The following MSH3 variants were observed in gnomAD, a reference collection of about 807,000 sequenced individuals.
MSH3 encodes the protein DNA mismatch repair protein Msh3.
MSH3 carries 106 observed loss-of-function variants against 123.3 expected under a neutral mutation model. That is an observed-to-expected ratio of 0.86 (90% CI 0.73 to 1.01). The LOEUF is 1.01. MSH3 is among the 50% of genes least tolerant of loss of function. The pLI, the probability that MSH3 is intolerant of heterozygous loss-of-function variation, is 0.00. For missense variants in MSH3, 1,459 were observed against 1,347.6 expected, an observed-to-expected ratio of 1.08 and a Z score of -1.29; for synonymous variants, 515 against 481.4, an observed-to-expected ratio of 1.07 and a Z score of -0.91.
chr5:80,655,481 T>C (rs1378809062), intron 1 of MSH3: 1 of 206,148 alleles, frequency 4.9e-6, no homozygotes, highest in Admixed American at 6.0e-5. Context: ...GTTTAGATTA[T>C]AAAGTCTGAA....
chr5:80,654,713 C>T lies in MSH3; in HGVS notation c.-15C>T, dbSNP rs1459554650. The T allele has an allele frequency of 5.0e-6, 8 of 1,587,300 alleles. No homozygotes were observed. The highest frequency in any genetic ancestry group is 1.1e-5 in the South Asian group (1 of 89,430). Reference sequence around the variant, plus strand: ...TCGCCAGGCCCTGCCGCCGGGCTGCCATCCTTGCCCTGCCATGTCTCGCCG... The same window carrying T: ...TCGCCAGGCCCTGCCGCCGGGCTGCTATCCTTGCCCTGCCATGTCTCGCCG... On this transcript the variant is annotated 5_prime_UTR_variant, in exon 1 of 24. Transcript: ENST00000265081.
At chr5:80,716,112 C>T (rs1173814073) in intron 8 of MSH3, among the ~76,000 whole-genome samples, 1 of 152,118 alleles carries the variant, frequency 6.6e-6, no homozygotes. Flanking sequence ...ATCATTCTGC[C>T]ATTCACTATG....
At chr5:80,675,887 T>G (rs976952974) in intron 7 of MSH3, among the ~76,000 whole-genome samples, 19 of 152,186 alleles carry the variant, frequency 1.2e-4, no homozygotes, top group African/African-American at 4.6e-4. Flanking sequence ...TAAACATGAA[T>G]GACTATGGTA....
At chr5:80,835,741 C>T (rs1355052627) in intron 20 of MSH3, among the ~76,000 whole-genome samples, 3 of 152,030 alleles carry the variant, frequency 2.0e-5, no homozygotes, top group Non-Finnish European at 4.4e-5. Context: ...AGGGTGAAAC[C>T]CTGTCTCTAC....
intron 12 of MSH3, among the ~76,000 whole-genome samples, chr5:80,750,849 A>G (rs1743821838): frequency 6.6e-6 from 1 of 152,154 alleles, no homozygotes; most frequent in South Asian, 2.1e-4. Flanking sequence ...TCTACGTAGA[A>G]TATTCTTCTG....
intron 22 of MSH3, among the ~76,000 whole-genome samples, chr5:80,869,335 A>T (rs1247288825): frequency 6.6e-6 from 1 of 152,200 alleles, no homozygotes; most frequent in Admixed American, 6.5e-5. Flanking sequence ...AATAATGTCC[A>T]TTTAAGAAAT....
At chr5:80,717,442 A>AT (rs1000879309) in intron 8 of MSH3, among the ~76,000 whole-genome samples, 37 of 151,782 alleles carry the variant, frequency 2.4e-4, no homozygotes, top group African/African-American at 8.7e-4. Flanking sequence ...AATTTATATT[A>AT]TTTTTTTTAG....
chr5:80,668,125 A>C (rs1749611594), intron 3 of MSH3, among the ~76,000 whole-genome samples: 1 of 152,042 alleles, frequency 6.6e-6, no homozygotes, highest in Non-Finnish European at 1.5e-5. Context: ...TTCAGCCGAG[A>C]GGGGACCCTG....
At chr5:80,664,730 G>C (rs1749525669) in intron 2 of MSH3, among the ~76,000 whole-genome samples, 2 of 152,056 alleles carry the variant, frequency 1.3e-5, no homozygotes, top group Admixed American at 1.3e-4. Flanking sequence ...GTTGTAATTA[G>C]AGTTGGCTCT....
chr5:80,744,565 T>G lies in MSH3; in HGVS notation c.1713T>G (p.Phe571Leu). 1 of 1,613,944 alleles carries G rather than the reference T, an allele frequency of 6.2e-7. No homozygotes were observed. Residue 571 changes from phenylalanine to leucine, a missense_variant, in exon 12 of 24, where the codon TTT becomes TTG. Physicochemically the swap from Phe to Leu is conservative, Grantham distance 22 (BLOSUM62 0). Transcript: ENST00000265081. ...TTTTAGACCACACTAAAACTTCATTTGGGAGACGGAAGTTAAAGAAGTGGG... is the reference window on the plus strand; with the variant it reads ...TTTTAGACCACACTAAAACTTCATTGGGGAGACGGAAGTTAAAGAAGTGGG... Reference protein sequence around the residue: ...LWVLDHTKTSFGRRKLKKWVT... With the variant: ...LWVLDHTKTSLGRRKLKKWVT...
chr5:80,814,491 T>A (rs1384927458), intron 20 of MSH3, among the ~76,000 whole-genome samples: 3 of 154 alleles, frequency 0.019, no homozygotes, highest in Non-Finnish European at 0.013. Flanking sequence ...AGGCTAGTCT[T>A]GACTCCTGAC....
chr5:80,719,639 C>A (rs1213240255), intron 8 of MSH3, among the ~76,000 whole-genome samples: 1 of 152,178 alleles, frequency 6.6e-6, no homozygotes, highest in Non-Finnish European at 1.5e-5. Flanking sequence ...AATGCCATTG[C>A]ATTTAAAGGT....
intron 10 of MSH3, among the ~76,000 whole-genome samples, chr5:80,736,545 T>G (rs1452695394): frequency 6.6e-6 from 1 of 152,216 alleles, no homozygotes; most frequent in Non-Finnish European, 1.5e-5. Flanking sequence ...GCTTGGCCCT[T>G]GACTGGAGTC....
At chr5:80,792,443 AG>A (rs1312550785) in intron 18 of MSH3, among the ~76,000 whole-genome samples, 1 of 151,880 alleles carries the variant, frequency 6.6e-6, no homozygotes, top group Non-Finnish European at 1.5e-5. Context: ...AAGAAAAAAA[AG>A]ATCTTGTAAA....
chr5:80,833,649 G>A (rs1483160757), intron 20 of MSH3, among the ~76,000 whole-genome samples: 1 of 152,138 alleles, frequency 6.6e-6, no homozygotes, highest in Non-Finnish European at 1.5e-5. Context: ...CACCATGTTG[G>A]CCAGGATGGT....
chr5:80,834,269 C>T (rs541408130), intron 20 of MSH3, among the ~76,000 whole-genome samples: 1 of 152,170 alleles, frequency 6.6e-6, no homozygotes, highest in South Asian at 2.1e-4. Context: ...CCTAATAGTC[C>T]TGGGTTCTTA....
At chr5:80,747,643 C>G (rs1743746822) in intron 12 of MSH3, among the ~76,000 whole-genome samples, 1 of 150,632 alleles carries the variant, frequency 6.6e-6, no homozygotes, top group African/African-American at 2.4e-5. Flanking sequence ...GTCAGTGGCT[C>G]AGCTATATAA....
rs1043550346 is a variant in MSH3, at chr5:80,742,718, A to G, written c.1653+1170A>G. On this transcript the variant is annotated intron_variant, in intron 11 of 23. Coordinates refer to ENST00000265081, the MANE Select transcript of MSH3 (RefSeq NM_002439.5). ...AACATTTTTATCTTGTCATCATCCAAAAGCTGAGAATCTGTCCTGCCGGTC... is the reference window on the plus strand; with the variant it reads ...AACATTTTTATCTTGTCATCATCCAGAAGCTGAGAATCTGTCCTGCCGGTC... 6.6e-6 allele frequency among the ~76,000 whole-genome samples: 1 copy of G among 152,134 alleles called. No homozygotes were observed. Among genetic ancestry groups the G allele is most frequent in the Non-Finnish European group, 1.5e-5 (1 of 68,022 alleles).
At chr5:80,747,280 CTT>C (rs925557082) in intron 12 of MSH3, among the ~76,000 whole-genome samples, 1 of 151,308 alleles carries the variant, frequency 6.6e-6, no homozygotes, top group Non-Finnish European at 1.5e-5. Flanking sequence ...GTTAAATTTC[CTT>C]TTTTTTTGTG....
Sources: allele counts gnomAD v4.1 joint callset (sites outside exome capture counted in the v4.1 genomes callset), GRCh38; gene constraint gnomAD v4.1.1; transcripts MANE v1.5; gene names NCBI Gene and HGNC (gene_info 2026-07-23, HGNC 2026-07-21).